THEMIS: variants seen among roughly 807,000 people sequenced by gnomAD.
The protein encoded by THEMIS is thymocyte selection associated.
Under a neutral mutation model 52.6 loss-of-function variants are expected in THEMIS, and 37 were observed. The ratio of observed to expected loss-of-function variants is 0.70; its 90% confidence interval spans 0.54 to 0.93. The LOEUF is 0.93. Among genes scored for constraint, THEMIS ranks in the 40% least tolerant of loss-of-function variants. THEMIS has a pLI of 0.00. For synonymous variants in THEMIS, 292 were observed against 272.7 expected (o/e 1.07, Z -0.70); for missense variants, 808 against 763.1 (o/e 1.06, Z -0.69).
intron 1 of THEMIS, among the ~76,000 whole-genome samples, chr6:127,912,115 A>G (rs1179064889): frequency 6.6e-6 from 1 of 152,162 alleles, no homozygotes; most frequent in African/African-American, 2.4e-5. Context: ...TTGCATCAGC[A>G]TGATCTGGAT....
At position 127,714,836 on chromosome 6, in the gene THEMIS, A is replaced by C. The variant is rs139040757; in HGVS notation, c.1895-4820T>G. Among the ~76,000 whole-genome samples, 21 of 152,038 alleles carry C rather than the reference A, an allele frequency of 1.4e-4. No individual in the cohort carries two copies. The East Asian group carries it at 3.7e-3, about 27-fold the overall frequency. On this transcript the variant is annotated intron_variant, in intron 5 of 5. Coordinates refer to ENST00000368248, the MANE Select transcript of THEMIS (RefSeq NM_001010923.3). ...AGAAAAGAAAAAGGTTGCTTTGCCT[A>C]GAGAACTGTTTTTCCCTCTCAATAT...
chr6:127,733,764 G>A lies in THEMIS; in HGVS notation c.1759-13941C>T, dbSNP rs750278617. On this transcript the variant is annotated intron_variant, in intron 4 of 5. Coordinates refer to ENST00000368248, the MANE Select transcript of THEMIS (RefSeq NM_001010923.3). ...TCTCAGGAAAATAAGACAGAAGAAC[G>A]TTTTGGGAGGAAGACCGCTCACAGA... Among the ~76,000 whole-genome samples, 11 of 152,158 alleles carry A rather than the reference G, an allele frequency of 7.2e-5. No homozygotes were observed. The South Asian group carries it at 1.0e-3, about 14-fold the overall frequency.
chr6:127,874,029 C>T (rs1358527032), intron 1 of THEMIS, among the ~76,000 whole-genome samples: 3 of 152,088 alleles, frequency 2.0e-5, no homozygotes, highest in Non-Finnish European at 4.4e-5. Context: ...TTGGGAATAC[C>T]AATAGCATCA....
chr6:127,818,815 A>G (rs924837722), intron 3 of THEMIS, among the ~76,000 whole-genome samples: 19 of 151,952 alleles, frequency 1.3e-4, no homozygotes, highest in Non-Finnish European at 1.0e-4. Context: ...ACTGAAAGGC[A>G]ATGATAGAAA....
rs915775078 is a variant in THEMIS, at chr6:127,879,476, G to A, written c.91+21366C>T. Among the ~76,000 whole-genome samples, 3 of 152,012 alleles carry A rather than the reference G, an allele frequency of 2.0e-5. No homozygotes were observed. In the South Asian group the frequency reaches 6.2e-4, roughly 32 times the overall value. ...TTTCCTTATATTTAAGTATCATGAA[G>A]AAAGATAATTGTTGCTCCTGTTAAT... On this transcript the variant is annotated intron_variant, in intron 1 of 5. Coordinates refer to ENST00000368248, the MANE Select transcript of THEMIS (RefSeq NM_001010923.3).
chr6:127,854,993 A>T (rs1443518333), intron 2 of THEMIS, 37 bp downstream of exon 2: 1 of 1,551,932 alleles, frequency 6.4e-7, no homozygotes, highest in East Asian at 2.3e-5. Flanking sequence ...ATAACAATAT[A>T]GTTGTACAAA....
chr6:127,770,144 G>A (rs998395702), intron 4 of THEMIS, among the ~76,000 whole-genome samples: 2 of 152,158 alleles, frequency 1.3e-5, no homozygotes, highest in African/African-American at 4.8e-5. Context: ...ACCCAGTAAT[G>A]GGATCACTGG....
chr6:127,858,458 C>G (rs1464724120), intron 1 of THEMIS, among the ~76,000 whole-genome samples: 1 of 152,004 alleles, frequency 6.6e-6, no homozygotes, highest in Non-Finnish European at 1.5e-5. Flanking sequence ...AAAGTTATGT[C>G]TATGATAGGT....
chr6:127,908,601 G>A (rs936748349), intron 1 of THEMIS, among the ~76,000 whole-genome samples: 1 of 152,066 alleles, frequency 6.6e-6, no homozygotes, highest in Admixed American at 6.6e-5. Context: ...CTTGCTGTAG[G>A]ACTCAACCTT....
At chr6:127,804,378 C>A (rs1777632638) in intron 4 of THEMIS, among the ~76,000 whole-genome samples, 1 of 152,156 alleles carries the variant, frequency 6.6e-6, no homozygotes, top group Non-Finnish European at 1.5e-5. Context: ...AACCATGACA[C>A]ACCTTATATA....
At chr6:127,886,584 G>T (rs1268151285) in intron 1 of THEMIS, among the ~76,000 whole-genome samples, 1 of 152,058 alleles carries the variant, frequency 6.6e-6, no homozygotes, top group Non-Finnish European at 1.5e-5. Context: ...ACATTTGTAG[G>T]GGCTGGAGAC....
At chr6:127,893,265 GT>G (rs1780865118) in intron 1 of THEMIS, among the ~76,000 whole-genome samples, 1 of 151,848 alleles carries the variant, frequency 6.6e-6, no homozygotes, top group Non-Finnish European at 1.5e-5. Flanking sequence ...AATCAGTTTT[GT>G]TTTAATTTTT....
chr6:127,721,479 T>C (rs941721224), intron 4 of THEMIS, among the ~76,000 whole-genome samples: 1 of 152,038 alleles, frequency 6.6e-6, no homozygotes, highest in Non-Finnish European at 1.5e-5. Context: ...ATGCAGATAA[T>C]TAAAATAGAG....
intron 1 of THEMIS, among the ~76,000 whole-genome samples, chr6:127,875,969 A>G (rs1463760610): frequency 6.6e-6 from 1 of 152,240 alleles, no homozygotes; most frequent in Non-Finnish European, 1.5e-5. Flanking sequence ...TCCAGAAAGT[A>G]AAAATACCAC....
intron 1 of THEMIS, among the ~76,000 whole-genome samples, chr6:127,895,131 A>G (rs1364139486): frequency 6.6e-6 from 1 of 151,190 alleles, no homozygotes; most frequent in Non-Finnish European, 1.5e-5. Flanking sequence ...CTCAATACCT[A>G]TTTATTCGGA....
In THEMIS at chr6:127,813,674, T is replaced by G; in HGVS notation, c.967A>C (p.Ile323Leu). The change falls in exon 4 of 6, where the codon ATT becomes CTT. Residue 323 changes from isoleucine (I) to leucine (L), a missense_variant. Transcript: ENST00000368248. ...YQASRILASE[I>L]RSNFPKRHFL... is the part of the protein sequence containing the mutation. ...TGTCTTTTAGGAAAATTGCTTCTAA[T>G]TTCTGAAGCTAAGATTCTTGATGCC... The G allele has an allele frequency of 6.2e-7, 1 of 1,614,150 alleles. No homozygotes were observed. Among genetic ancestry groups the G allele is most frequent in the Non-Finnish European group, 8.5e-7 (1 of 1,180,006 alleles).
chr6:127,757,610 T>G (rs573979810), intron 4 of THEMIS, among the ~76,000 whole-genome samples: 8 of 152,074 alleles, frequency 5.3e-5, no homozygotes, highest in African/African-American at 1.9e-4. Context: ...AGCCTCCCGA[T>G]TAGCTGGGAC....
intron 3 of THEMIS, among the ~76,000 whole-genome samples, chr6:127,827,122 A>G (rs546795184): frequency 6.6e-6 from 1 of 152,118 alleles, no homozygotes; most frequent in South Asian, 2.1e-4. Context: ...AAAACTTCCA[A>G]TTCCCTGCTC....
At chr6:127,747,608 C>T (rs1775494891) in intron 4 of THEMIS, among the ~76,000 whole-genome samples, 1 of 151,538 alleles carries the variant, frequency 6.6e-6, no homozygotes, top group African/African-American at 2.4e-5. Flanking sequence ...AGTTTATGTT[C>T]ATGTTTGTTT....
Sources: gnomAD v4.1 joint callset for allele counts (sites outside exome capture counted in the v4.1 genomes callset) on GRCh38, gnomAD v4.1.1 for gene constraint, MANE v1.5 for transcripts, NCBI Gene and HGNC (gene_info 2026-07-23, HGNC 2026-07-21) for gene names.